PDE10A: variants seen among roughly 807,000 people sequenced by gnomAD.
The protein encoded by PDE10A is phosphodiesterase 10A, also known as cAMP and cAMP-inhibited cGMP 3',5'-cyclic phosphodiesterase 10A.
PDE10A carries 39 observed loss-of-function variants against 97.7 expected under a neutral mutation model. That is an observed-to-expected ratio of 0.40 (90% CI 0.31 to 0.52). The LOEUF is 0.52. PDE10A is among the 20% of genes least tolerant of loss of function. PDE10A has a pLI of 0.56. For missense variants in PDE10A, 731 were observed against 1,047.8 expected (o/e 0.70, Z 4.17); for synonymous variants, 371 against 376.8 (o/e 0.98, Z 0.18).
At chr6:165,979,188 G>T (rs568492129) in intron 1 of PDE10A, among the ~76,000 whole-genome samples, 1 of 152,340 alleles carries the variant, frequency 6.6e-6, no homozygotes, top group Admixed American at 6.5e-5. Context: ...GCCTGCTGTG[G>T]TTGGGAGCTG....
intron 18 of PDE10A, among the ~76,000 whole-genome samples, chr6:165,369,266 C>T (rs1321887050): frequency 7.2e-5 from 11 of 151,766 alleles, no homozygotes; most frequent in East Asian, 1.9e-4. Context: ...AGGCTTCAGA[C>T]GATCAAATTA....
intron 1 of PDE10A, among the ~76,000 whole-genome samples, chr6:165,862,749 G>C (rs1453998074): frequency 6.7e-6 from 1 of 150,190 alleles, no homozygotes; most frequent in Non-Finnish European, 1.5e-5. Flanking sequence ...CACCATCTCA[G>C]CTCGCTGCAA....
intron 1 of PDE10A, among the ~76,000 whole-genome samples, chr6:165,762,379 C>A (rs1008356956): frequency 2.0e-5 from 3 of 152,002 alleles, no homozygotes; most frequent in Admixed American, 6.5e-5. Flanking sequence ...GTACCTAGAC[C>A]AAACCCCTAG....
At chr6:165,923,178 A>T (rs760766427) in intron 1 of PDE10A, among the ~76,000 whole-genome samples, 20 of 152,218 alleles carry the variant, frequency 1.3e-4, no homozygotes, top group Non-Finnish European at 1.9e-4. Context: ...GAAGTCACAA[A>T]CACGATGTGT....
At chr6:165,517,594 T>C (rs373461979) in intron 2 of PDE10A, among the ~76,000 whole-genome samples, 5 of 152,056 alleles carry the variant, frequency 3.3e-5, no homozygotes, top group South Asian at 2.1e-4. Flanking sequence ...GAACACACAA[T>C]TGGTACAGAC....
At chr6:165,704,662 A>C (rs1408185223) in intron 1 of PDE10A, among the ~76,000 whole-genome samples, 1 of 152,210 alleles carries the variant, frequency 6.6e-6, no homozygotes. Context: ...AATAAAATAA[A>C]ATCTGTCAGT....
intron 1 of PDE10A, among the ~76,000 whole-genome samples, chr6:165,580,622 T>C (rs1415533137): frequency 2.0e-5 from 3 of 152,222 alleles, no homozygotes; most frequent in East Asian, 3.8e-4. Flanking sequence ...GCAGGACTTA[T>C]TTAATGGACT....
intron 2 of PDE10A, among the ~76,000 whole-genome samples, chr6:165,494,339 G>A (rs1384253632): frequency 6.6e-6 from 1 of 151,512 alleles, no homozygotes; most frequent in Non-Finnish European, 1.5e-5. Flanking sequence ...GAAGAAAAGA[G>A]GTCATTATAG....
At chr6:165,920,934 T>G (rs759473423) in intron 1 of PDE10A, among the ~76,000 whole-genome samples, 84 of 152,186 alleles carry the variant, frequency 5.5e-4, no homozygotes, top group Non-Finnish European at 1.0e-3. Context: ...AAAATTTGTT[T>G]GGAGGAAAGA....
chr6:165,810,255 C>T (rs1476066947), intron 1 of PDE10A, among the ~76,000 whole-genome samples: 1 of 152,316 alleles, frequency 6.6e-6, no homozygotes, highest in Admixed American at 6.5e-5. Context: ...ATCATCCTGA[C>T]TGGGCTGCTT....
chr6:165,617,949 G>A (rs760495544), intron 1 of PDE10A, among the ~76,000 whole-genome samples: 14 of 152,178 alleles, frequency 9.2e-5, no homozygotes, highest in Non-Finnish European at 1.6e-4. Context: ...AGAGAAGTCA[G>A]GCACAGTGGT....
At chr6:165,665,983 T>C (rs1790488648), upstream of PDE10A, among the ~76,000 whole-genome samples, 1 of 152,236 alleles carries the variant, frequency 6.6e-6, no homozygotes, top group African/African-American at 2.4e-5. Flanking sequence ...AAACAATACC[T>C]GCCTGATTGT....
At chr6:165,691,990 C>G (rs1355332120) in intron 1 of PDE10A, among the ~76,000 whole-genome samples, 1 of 152,248 alleles carries the variant, frequency 6.6e-6, no homozygotes, top group African/African-American at 2.4e-5. Flanking sequence ...GCTTATGTCA[C>G]CCCTTGAATT....
chr6:165,389,621 T>C (rs898132481), intron 16 of PDE10A, among the ~76,000 whole-genome samples: 1 of 152,146 alleles, frequency 6.6e-6, no homozygotes, highest in Non-Finnish European at 1.5e-5. Flanking sequence ...GGAGTCTACT[T>C]GATAGTCAAG....
chr6:165,388,838 A>C lies in PDE10A; in HGVS notation c.2455-385T>G, dbSNP rs1583176410. ...TTTCAGCAAAATCTATTCAATGTTA[A>C]ATTCTAACAATGCTATTGCTATTAT... On this transcript the variant is annotated intron_variant, in intron 16 of 21. Coordinates refer to ENST00000539869, the MANE Select transcript of PDE10A (RefSeq NM_001385079.1). This position sits in a 1 kb window ranked among gnomAD's most constrained non-coding sequence, Gnocchi z 4.0. 6.6e-6 allele frequency among the ~76,000 whole-genome samples: 1 copy of C among 152,372 alleles called. No individual in the cohort carries two copies. The highest frequency in any genetic ancestry group is 1.9e-4 in the East Asian group (1 of 5,192).
Position 165,388,217 on chromosome 6 carries a change from T to G in PDE10A, c.2610+81A>C. Reference sequence around the variant, plus strand: ...GTTGCTTTTAAGGAAGCCATAATGATCTTCCTTTTCCACCTATGAAGTATC... The same window carrying G: ...GTTGCTTTTAAGGAAGCCATAATGAGCTTCCTTTTCCACCTATGAAGTATC... On this transcript the variant is annotated intron_variant, in intron 17 of 21. Coordinates refer to ENST00000539869, the MANE Select transcript of PDE10A (RefSeq NM_001385079.1). This position sits in a 1 kb window ranked among gnomAD's most constrained non-coding sequence, Gnocchi z 4.0. 1 of 1,260,916 alleles carries G rather than the reference T, an allele frequency of 7.9e-7. No homozygotes were observed. The allele number at this position is 1,260,916 out of a possible 1,614,324, so 78.1% of individuals were successfully genotyped here.
intron 3 of PDE10A, among the ~76,000 whole-genome samples, chr6:165,458,196 C>T (rs62443769): frequency 9.3e-4 from 141 of 152,108 alleles, no homozygotes; most frequent in African/African-American, 3.2e-3. Context: ...AGAAAAATTT[C>T]GATATTACAA....
intron 1 of PDE10A, among the ~76,000 whole-genome samples, chr6:165,703,195 A>T (rs948319657): frequency 6.6e-6 from 1 of 152,176 alleles, no homozygotes; most frequent in Non-Finnish European, 1.5e-5. Context: ...TTGTTTGTCT[A>T]TTAGTGTACC....
chr6:165,928,510 G>A (rs1328042530), intron 1 of PDE10A, among the ~76,000 whole-genome samples: 4 of 152,150 alleles, frequency 2.6e-5, no homozygotes, highest in East Asian at 3.9e-4. Flanking sequence ...CCTCATGCTC[G>A]ACTTGAGCTG....
Sources: allele counts gnomAD v4.1 joint callset (sites outside exome capture counted in the v4.1 genomes callset), GRCh38; gene constraint gnomAD v4.1.1; non-coding constraint Gnocchi (gnomAD v3.1); transcripts MANE v1.5; gene names NCBI Gene and HGNC (gene_info 2026-07-23, HGNC 2026-07-21).